Variants in EHBP1 observed in about 807,000 individuals in gnomAD.
EHBP1 encodes the protein EH domain-binding protein 1.
EHBP1 carries 55 observed loss-of-function variants against 144.0 expected under a neutral mutation model. The ratio of observed to expected loss-of-function variants is 0.38; its 90% CI spans 0.31 to 0.48. EHBP1 has a LOEUF of 0.48. Ranked by LOEUF, EHBP1 falls within the 20% of genes least tolerant of loss-of-function variation. The probability of loss-of-function intolerance (pLI) is 0.98; values close to 1 mark genes in which losing one functional copy is unlikely to be tolerated. For synonymous variants in EHBP1, 469 were observed against 472.7 expected (o/e 0.99, Z 0.10); for missense variants, 1,200 against 1,364.2 (o/e 0.88, Z 1.90).
At chr2:62,994,102 A>G in intron 18 of EHBP1, 125 bp downstream of exon 18, 1 of 585,502 alleles carries the variant, frequency 1.7e-6, no homozygotes, top group Non-Finnish European at 3.0e-6. Context: ...GTGCATTCAA[A>G]GCAGAGTGAG....
chr2:62,970,985 A>G (rs1471331548), intron 14 of EHBP1, among the ~76,000 whole-genome samples: 2 of 152,186 alleles, frequency 1.3e-5, no homozygotes, highest in African/African-American at 4.8e-5. Flanking sequence ...ATTGCATACC[A>G]ATACATTTTT....
chr2:62,968,927 C>A (rs1461267013), intron 14 of EHBP1, among the ~76,000 whole-genome samples: 2 of 152,172 alleles, frequency 1.3e-5, no homozygotes, highest in African/African-American at 4.8e-5. Context: ...GCGTTCAGCT[C>A]CTTTTTGCCT....
At chr2:62,809,840 C>A (rs995894954) in intron 5 of EHBP1, among the ~76,000 whole-genome samples, 1 of 152,106 alleles carries the variant, frequency 6.6e-6, no homozygotes, top group Non-Finnish European at 1.5e-5. Flanking sequence ...CTACAAAATA[C>A]CTCCAAAAAA....
intron 3 of EHBP1, among the ~76,000 whole-genome samples, chr2:62,756,572 C>T (rs2152274526): frequency 6.6e-6 from 1 of 152,188 alleles, no homozygotes; most frequent in South Asian, 2.1e-4. Flanking sequence ...GAGTTCTAGA[C>T]CAGCCTGACC....
At chr2:62,812,118 A>T (rs2045063431) in intron 5 of EHBP1, among the ~76,000 whole-genome samples, 1 of 152,144 alleles carries the variant, frequency 6.6e-6, no homozygotes, top group South Asian at 2.1e-4. Context: ...TTCGCTTTTC[A>T]CAAGCTCTCT....
At chr2:62,971,622 T>A (rs1287932427) in intron 14 of EHBP1, among the ~76,000 whole-genome samples, 1 of 152,164 alleles carries the variant, frequency 6.6e-6, no homozygotes, top group Admixed American at 6.5e-5. Context: ...ACTATGCCAT[T>A]TACAAGATAT....
intron 10 of EHBP1, among the ~76,000 whole-genome samples, chr2:62,903,908 C>T (rs2053605463): frequency 6.6e-6 from 1 of 152,184 alleles, no homozygotes; most frequent in African/African-American, 2.4e-5. Flanking sequence ...GTCCTCACCT[C>T]CTTCTTTGAT....
intron 4 of EHBP1, among the ~76,000 whole-genome samples, chr2:62,765,321 G>A (rs1371712959): frequency 6.6e-6 from 1 of 152,022 alleles, no homozygotes; most frequent in Non-Finnish European, 1.5e-5. Flanking sequence ...TTATTTTAGG[G>A]ATAATACATT....
chr2:62,776,830 C>T (rs2042085537), intron 5 of EHBP1, among the ~76,000 whole-genome samples: 1 of 152,150 alleles, frequency 6.6e-6, no homozygotes, highest in Non-Finnish European at 1.5e-5. Context: ...TTCATCCAGA[C>T]AGTTGACATT....
At chr2:62,893,141 CAAG>C (rs1415122768) in intron 10 of EHBP1, among the ~76,000 whole-genome samples, 4 of 152,114 alleles carry the variant, frequency 2.6e-5, no homozygotes, top group African/African-American at 4.8e-5. Context: ...CCTAAAATGT[CAAG>C]AAGAAGGCAA....
intron 2 of EHBP1, among the ~76,000 whole-genome samples, chr2:62,729,766 T>C (rs2037326719): frequency 6.6e-6 from 1 of 151,444 alleles, no homozygotes; most frequent in South Asian, 2.1e-4. Context: ...TTGTTAGATA[T>C]TGCCAAATTC....
chr2:62,706,503 G>C (rs942936437), intron 1 of EHBP1: 1 of 152,082 alleles, frequency 6.6e-6, no homozygotes, highest in African/African-American at 2.4e-5. Flanking sequence ...ATTAATTATC[G>C]ACTGAAAAAC....
At chr2:62,732,187 A>G (rs2037667496) in intron 2 of EHBP1, among the ~76,000 whole-genome samples, 4 of 152,070 alleles carry the variant, frequency 2.6e-5, no homozygotes, top group Admixed American at 2.6e-4. Context: ...CTGTAGTGTG[A>G]CTATGATATG....
At chr2:62,971,827 A>T (rs1282685362) in intron 14 of EHBP1, among the ~76,000 whole-genome samples, 2 of 152,174 alleles carry the variant, frequency 1.3e-5, no homozygotes, top group African/African-American at 4.8e-5. Context: ...ACCTCCCAAA[A>T]CTACGGCTTC....
At chr2:63,025,335 C>T (rs932113905) in intron 19 of EHBP1, among the ~76,000 whole-genome samples, 4 of 152,172 alleles carry the variant, frequency 2.6e-5, no homozygotes, top group African/African-American at 9.7e-5. Flanking sequence ...AGTCATAGCT[C>T]GCTGCAGCCT....
Position 62,831,013 on chromosome 2 carries a change from A to G in EHBP1, c.495-6A>G. The stretch of plus-strand genomic sequence containing the variant: ...CAATGTGTTATATTTTGAATCATTG[A>G]TGTAGAGATGAAGACATGCAAAGTT... On this transcript the variant is annotated splice_region_variant and splice_polypyrimidine_tract_variant and intron_variant, in intron 6 of 22. Coordinates refer to ENST00000431489, the MANE Select transcript of EHBP1 (RefSeq NM_001142616.3). 1.2e-6 allele frequency: 2 copies of G among 1,611,188 alleles called. No homozygotes were observed. Among genetic ancestry groups the G allele is most frequent in the South Asian group, 2.2e-5 (2 of 90,390 alleles).
At chr2:62,984,897 A>G (rs1483961483) in intron 15 of EHBP1, among the ~76,000 whole-genome samples, 1 of 152,188 alleles carries the variant, frequency 6.6e-6, no homozygotes, top group African/African-American at 2.4e-5. Flanking sequence ...AGTAGGTGCC[A>G]TTTCCTGGGT....
chr2:62,805,271 A>G, intron 5 of EHBP1, among the ~76,000 whole-genome samples: 1 of 152,122 alleles, frequency 6.6e-6, no homozygotes, highest in East Asian at 1.9e-4. Flanking sequence ...TCTAAATTAT[A>G]TTATGGTATG....
intron 5 of EHBP1, among the ~76,000 whole-genome samples, chr2:62,793,321 G>A (rs866377505): frequency 1.4e-4 from 21 of 152,030 alleles, no homozygotes; most frequent in South Asian, 2.1e-4. Context: ...GCAGGTGTGA[G>A]CTTTGAGGGG....
Sources: gnomAD v4.1 joint callset for allele counts (sites outside exome capture counted in the v4.1 genomes callset) on GRCh38, gnomAD v4.1.1 for gene constraint, MANE v1.5 for transcripts, NCBI Gene and HGNC (gene_info 2026-07-23, HGNC 2026-07-21) for gene names.